The following SLC20A2 variants were observed in gnomAD, a reference collection of about 807,000 sequenced individuals.
The protein encoded by SLC20A2 is sodium-dependent phosphate transporter 2.
Under a neutral mutation model 61.0 loss-of-function variants are expected in SLC20A2, and 30 were observed. That is an observed-to-expected ratio of 0.49 (90% CI 0.37 to 0.67). The LOEUF is 0.67. Ranked by LOEUF, SLC20A2 falls within the 30% of genes least tolerant of loss-of-function variation. The probability of loss-of-function intolerance (pLI) is 0.00; values close to 1 mark genes in which losing one functional copy is unlikely to be tolerated. For synonymous variants in SLC20A2, 351 were observed against 353.3 expected (o/e 0.99, Z 0.07); for missense variants, 626 against 866.4 (o/e 0.72, Z 3.48).
At position 42,420,762 on chromosome 8, in the gene SLC20A2, T is replaced by C. The variant is rs1802985533; in HGVS notation, c.1795-2795A>G. ...TTTTCAGCATACCATTTAGAGGCAT[T>C]AAGTACAATCACATTGTTTTGCAAA... On this transcript the variant is annotated intron_variant, in intron 10 of 10. Transcript: ENST00000520262. Among the ~76,000 whole-genome samples, 2 of 152,226 alleles carry C rather than the reference T, an allele frequency of 1.3e-5. 1 individual carries two copies. Among genetic ancestry groups the C allele is most frequent in the South Asian group, 4.1e-4 (2 of 4,834 alleles).
chr8:42,477,122 G>A (rs1808177686), intron 1 of SLC20A2, among the ~76,000 whole-genome samples: 2 of 152,168 alleles, frequency 1.3e-5, no homozygotes, highest in African/African-American at 4.8e-5. Flanking sequence ...GCTGACCCTG[G>A]GTACCTCAAC....
chr8:42,437,563 T>C lies in SLC20A2; in HGVS notation c.949A>G (p.Met317Val). 1 of 1,602,386 alleles carries C rather than the reference T, an allele frequency of 6.2e-7. No homozygotes were observed. Among genetic ancestry groups the C allele is most frequent in the South Asian group, 1.1e-5 (1 of 89,602 alleles). The change falls in exon 8 of 11, where the codon ATG becomes GTG. Residue 317 changes from methionine (M) to valine (V), a missense_variant. Physicochemically the swap from Met to Val is conservative, Grantham distance 21 (BLOSUM62 1). Around this residue, in one of 3 missense-constraint regions of SLC20A2, gnomAD observed 361 missense variants for 422.3 expected, o/e 0.85. Coordinates refer to ENST00000520262, the MANE Select transcript of SLC20A2 (RefSeq NM_001257180.2). The surrounding 1 kb of genome is among the most constrained non-coding windows in gnomAD (Gnocchi z 6.4). ...GGCGATTTCACAGAGCCATGGGTCA[T>C]GGACAGTGCTCTTCCTGAAAAGGGT... Reference protein sequence around the residue: ...PRAAYGRALSMTHGSVKSPIS... With the variant: ...PRAAYGRALSVTHGSVKSPIS...
intron 1 of SLC20A2, among the ~76,000 whole-genome samples, chr8:42,524,083 C>G (rs967863246): frequency 6.6e-6 from 1 of 152,152 alleles, no homozygotes; most frequent in Non-Finnish European, 1.5e-5. Flanking sequence ...GTAACCCAGG[C>G]CATTCTGCTG....
chr8:42,524,556 G>C (rs1463166050), intron 1 of SLC20A2, among the ~76,000 whole-genome samples: 2 of 152,100 alleles, frequency 1.3e-5, no homozygotes, highest in African/African-American at 4.8e-5. Context: ...AGGAGGCCGA[G>C]TCGGGCAGAT....
intron 1 of SLC20A2, among the ~76,000 whole-genome samples, chr8:42,490,952 A>G (rs1193283360): frequency 6.6e-6 from 1 of 152,206 alleles, no homozygotes; most frequent in East Asian, 1.9e-4. Flanking sequence ...AACTACATTC[A>G]TCTCTCTTAC....
At chr8:42,456,553 A>C (rs1199602126) in intron 5 of SLC20A2, among the ~76,000 whole-genome samples, 1 of 152,036 alleles carries the variant, frequency 6.6e-6, no homozygotes, top group South Asian at 2.1e-4. Context: ...CAACATAGCA[A>C]AACCCCGTCT....
chr8:42,527,662 G>A (rs1384318695), intron 1 of SLC20A2, among the ~76,000 whole-genome samples: 1 of 151,870 alleles, frequency 6.6e-6, no homozygotes. Context: ...CAGCTACTCG[G>A]GAGGCTGAAA....
intron 1 of SLC20A2, among the ~76,000 whole-genome samples, chr8:42,489,160 A>G (rs564635382): frequency 6.6e-6 from 1 of 152,236 alleles, no homozygotes; most frequent in South Asian, 2.1e-4. Flanking sequence ...GCTGGTCTCG[A>G]ACTCCTGACT....
chr8:42,448,317 T>C (rs372479276), intron 5 of SLC20A2, among the ~76,000 whole-genome samples: 57 of 152,320 alleles, frequency 3.7e-4, no homozygotes, highest in African/African-American at 1.2e-3. Flanking sequence ...AGAAACAATC[T>C]GGGATACATA....
intron 1 of SLC20A2, among the ~76,000 whole-genome samples, chr8:42,475,097 T>C (rs1353348964): frequency 6.7e-6 from 1 of 150,232 alleles, no homozygotes. Context: ...GAGAGGGGTA[T>C]TGGCGTGACC....
At chr8:42,423,333 C>CT (rs58667229) in intron 10 of SLC20A2, among the ~76,000 whole-genome samples, 38 of 146,170 alleles carry the variant, frequency 2.6e-4, no homozygotes, top group Admixed American at 1.5e-3. Context: ...TATCTTTAAA[C>CT]TTTTTTTTTT....
At chr8:42,478,211 T>C (rs976088726) in intron 1 of SLC20A2, among the ~76,000 whole-genome samples, 7 of 135,174 alleles carry the variant, frequency 5.2e-5, no homozygotes, top group African/African-American at 1.5e-4. Flanking sequence ...CTTTTCCTTT[T>C]CTTTTTTTTT....
chr8:42,420,815 T>A (rs1268443689), intron 10 of SLC20A2, among the ~76,000 whole-genome samples: 2 of 152,178 alleles, frequency 1.3e-5, no homozygotes, highest in East Asian at 1.9e-4. Context: ...CTCCAGAACT[T>A]TTTCATCATC....
intron 1 of SLC20A2, among the ~76,000 whole-genome samples, chr8:42,477,290 A>C (rs1808196936): frequency 6.6e-6 from 1 of 152,098 alleles, no homozygotes; most frequent in Admixed American, 6.6e-5. Context: ...ATAACAAATG[A>C]GAGGTTCCAG....
chr8:42,443,988 C>T (rs141991266), intron 6 of SLC20A2, among the ~76,000 whole-genome samples: 129 of 152,298 alleles, frequency 8.5e-4, no homozygotes, highest in African/African-American at 2.9e-3. Flanking sequence ...TCTATTGCTG[C>T]GTGGTCGTCC....
At chr8:42,541,877 G>T (rs1262911877) in exon 1 of SLC20A2, 5 of 152,028 alleles carry the variant, frequency 3.3e-5, no homozygotes, top group Admixed American at 3.3e-4. Context: ...GTCCCGGCGC[G>T]GAGCCCCTCG....
intron 10 of SLC20A2, 120 bp from the exon 11 acceptor site, chr8:42,418,087 T>C: frequency 1.4e-6 from 1 of 711,058 alleles, no homozygotes; most frequent in Non-Finnish European, 2.2e-6. Context: ...CCCCTACATT[T>C]GTTAAAGCTT....
chr8:42,538,966 G>A (rs1812882710), intron 1 of SLC20A2, among the ~76,000 whole-genome samples: 1 of 152,116 alleles, frequency 6.6e-6, no homozygotes, highest in African/African-American at 2.4e-5. Flanking sequence ...CAGATAACGA[G>A]GTCAGGAGAT....
intron 1 of SLC20A2, among the ~76,000 whole-genome samples, chr8:42,536,020 C>G (rs1812673043): frequency 6.6e-6 from 1 of 152,226 alleles, no homozygotes; most frequent in African/African-American, 2.4e-5. Context: ...ATCATTCTCT[C>G]TTTCCCTAAA....
Sources: gnomAD v4.1 joint callset for allele counts (sites outside exome capture counted in the v4.1 genomes callset) on GRCh38, gnomAD v4.1.1 for gene constraint, gnomAD v4.1.1 regional missense constraint, Gnocchi (gnomAD v3.1) non-coding constraint, MANE v1.5 for transcripts, NCBI Gene and HGNC (gene_info 2026-07-23, HGNC 2026-07-21) for gene names.